Variants in RNF212B observed in about 807,000 individuals in gnomAD.
RNF212B encodes the protein E3 ubiquitin-protein ligase RNF212B.
A neutral mutation model predicts 55.5 loss-of-function variants in RNF212B; 52 were observed. That is an observed-to-expected ratio of 0.94 (90% CI 0.75 to 1.18). The LOEUF (loss-of-function observed/expected upper bound fraction) is 1.18, where lower values mean the gene tolerates loss of function less well. Among genes scored for constraint, RNF212B ranks in the 50% most tolerant of loss-of-function variants. The pLI is 0.00. For missense variants in RNF212B, 289 were observed against 350.4 expected (o/e 0.82, Z 1.40); for synonymous variants, 99 against 121.4 (o/e 0.82, Z 1.21).
At chr14:23,232,647 G>T (rs973881112) in intron 2 of RNF212B, among the ~76,000 whole-genome samples, 1 of 151,270 alleles carries the variant, frequency 6.6e-6, no homozygotes, top group African/African-American at 2.4e-5. Context: ...GGAGTTGGGG[G>T]GTCAGCCCCC....
At chr14:23,269,726 A>T in intron 12 of RNF212B, 137 bp from the exon 13 acceptor site, 2 of 578,908 alleles carry the variant, frequency 3.5e-6, no homozygotes. Context: ...AAAAAAAAAG[A>T]AAAAATTATC....
chr14:23,269,057 C>G, intron 12 of RNF212B, 94 bp downstream of exon 12: 1 of 1,051,290 alleles, frequency 9.5e-7, no homozygotes, highest in East Asian at 2.6e-5. Flanking sequence ...GTAATCCCAG[C>G]ACTTTGGGAG....
At chr14:23,251,359 C>T (rs1330675376) in intron 4 of RNF212B, among the ~76,000 whole-genome samples, 1 of 152,200 alleles carries the variant, frequency 6.6e-6, no homozygotes, top group East Asian at 1.9e-4. Context: ...TGGACACCAG[C>T]CACAAATGGG....
intron 4 of RNF212B, among the ~76,000 whole-genome samples, chr14:23,247,153 A>AG (rs1288631320): frequency 4.0e-5 from 6 of 151,544 alleles, no homozygotes; most frequent in Admixed American, 1.3e-4. Flanking sequence ...AAAAAAAAAA[A>AG]ATTGTTTTCA....
At position 23,205,605 on chromosome 14, in the gene RNF212B, T is replaced by G. The variant is rs920601011; in HGVS notation, c.-2+12204T>G. Among the ~76,000 whole-genome samples, 3 of 152,192 alleles carry G rather than the reference T, an allele frequency of 2.0e-5. No homozygotes were observed. The South Asian group carries it at 6.2e-4, about 31-fold the overall frequency. ...AACTGACTCCATATTGCTCTTAACCTCCAAGCTGTCCTTGTTCATTCCTGG... is the reference window on the plus strand; with the variant it reads ...AACTGACTCCATATTGCTCTTAACCGCCAAGCTGTCCTTGTTCATTCCTGG... On this transcript the variant is annotated intron_variant, in intron 2 of 15. Coordinates refer to the RNF212B transcript ENST00000399910.
At chr14:23,216,568 A>T (rs1484519710) in intron 2 of RNF212B, among the ~76,000 whole-genome samples, 17 of 130,020 alleles carry the variant, frequency 1.3e-4, no homozygotes, top group African/African-American at 6.4e-4. Flanking sequence ...TATGCTAAGT[A>T]AAAAAAAAAA....
At chr14:23,237,807 G>T (rs1186680529), upstream of RNF212B, among the ~76,000 whole-genome samples, 1 of 152,138 alleles carries the variant, frequency 6.6e-6, no homozygotes, top group African/African-American at 2.4e-5. Flanking sequence ...ACCGCGAGCC[G>T]CTCCTAGCCC....
chr14:23,191,997 A>G (rs190789658), intron 1 of RNF212B, among the ~76,000 whole-genome samples: 1 of 152,340 alleles, frequency 6.6e-6, no homozygotes, highest in Admixed American at 6.5e-5. Flanking sequence ...CTTTCAGGCC[A>G]TGCATTCAAG....
At chr14:23,250,851 G>T (rs1884355245) in intron 4 of RNF212B, among the ~76,000 whole-genome samples, 1 of 152,148 alleles carries the variant, frequency 6.6e-6, no homozygotes, top group Non-Finnish European at 1.5e-5. Context: ...GTGGGAAGGG[G>T]CTTCTAGGTC....
intron 2 of RNF212B, among the ~76,000 whole-genome samples, chr14:23,231,789 G>A (rs1437699234): frequency 1.3e-5 from 2 of 152,312 alleles, no homozygotes; most frequent in Middle Eastern, 6.8e-3. Flanking sequence ...GCAGGCACGC[G>A]CCGCCACGCC....
upstream of RNF212B, among the ~76,000 whole-genome samples, chr14:23,234,151 G>C (rs978981318): frequency 2.6e-5 from 4 of 151,898 alleles, no homozygotes; most frequent in South Asian, 8.3e-4. Flanking sequence ...TAGGAAAACT[G>C]TTGGTCTCTT....
Position 23,270,581 on chromosome 14 carries a change from G to C in RNF212B, c.773-19G>C. The stretch of plus-strand genomic sequence containing the variant: ...CTGCCCAAGTAAGTTATCTTTCACT[G>C]TTCCATTCTATCCTTCAGCTCAGAG... On this transcript the variant is annotated intron_variant, in intron 13 of 14. Transcript: ENST00000430154. The C allele has an allele frequency of 6.5e-7, 1 of 1,540,386 alleles. No individual in the cohort carries two copies. Among genetic ancestry groups the C allele is most frequent in the South Asian group, 1.2e-5 (1 of 83,842 alleles).
At chr14:23,230,308 T>G (rs1166501532) in intron 2 of RNF212B, among the ~76,000 whole-genome samples, 1 of 152,230 alleles carries the variant, frequency 6.6e-6, no homozygotes, top group Non-Finnish European at 1.5e-5. Flanking sequence ...TAATTTTAAC[T>G]AAGTCCCTTT....
At chr14:23,240,046 A>C (rs1883449716) in intron 1 of RNF212B, among the ~76,000 whole-genome samples, 1 of 151,764 alleles carries the variant, frequency 6.6e-6, no homozygotes, top group Non-Finnish European at 1.5e-5. Context: ...AAAAAAAAAA[A>C]ATCTCACCAC....
rs181153846 is a variant in RNF212B at position 23,243,995 on chromosome 14, T to C, written c.154-327T>C. 8.7e-3 allele frequency among the ~76,000 whole-genome samples: 1,322 copies of C among 151,980 alleles called. 26 individuals carry two copies. The highest frequency in any genetic ancestry group is 8.0e-3 in the Non-Finnish European group (544 of 67,980). On this transcript the variant is annotated intron_variant, in intron 3 of 14. Transcript: ENST00000430154. ...CAGGAGGCTGAGGCAGAAGAATCACTTGAACCCAAAAGGCGAGGGTTGCAA... is the reference window on the plus strand; with the variant it reads ...CAGGAGGCTGAGGCAGAAGAATCACCTGAACCCAAAAGGCGAGGGTTGCAA...
intron 1 of RNF212B, among the ~76,000 whole-genome samples, chr14:23,187,141 G>A (rs936012001): frequency 2.0e-5 from 3 of 152,134 alleles, no homozygotes; most frequent in African/African-American, 2.4e-5. Flanking sequence ...GCTGTTTTGC[G>A]TGCTTCAGAT....
chr14:23,245,697 C>G (rs1283778543), intron 4 of RNF212B, among the ~76,000 whole-genome samples: 3 of 152,224 alleles, frequency 2.0e-5, no homozygotes, highest in African/African-American at 7.2e-5. Flanking sequence ...CTTCTTCAGT[C>G]AGTCCTTTAG....
chr14:23,242,974 G>A (rs905105352), intron 2 of RNF212B, among the ~76,000 whole-genome samples: 1 of 151,648 alleles, frequency 6.6e-6, no homozygotes, highest in South Asian at 2.1e-4. Context: ...GTGAGACCTT[G>A]TCTCAAAGAA....
intron 7 of RNF212B, among the ~76,000 whole-genome samples, chr14:23,262,164 A>AT (rs539444050): frequency 5.1e-4 from 77 of 149,832 alleles, no homozygotes; most frequent in Non-Finnish European, 5.3e-4. Context: ...CACTGTTCTG[A>AT]TTTTTTTTTT....
Sources: allele counts gnomAD v4.1 joint callset (sites outside exome capture counted in the v4.1 genomes callset), GRCh38; gene constraint gnomAD v4.1.1; transcripts MANE v1.5; gene names NCBI Gene and HGNC (gene_info 2026-07-23, HGNC 2026-07-21).